The following SLC22A24 variants were observed in gnomAD, a reference collection of about 807,000 sequenced individuals.
SLC22A24 encodes solute carrier family 22 member 24.
A neutral mutation model predicts 49.8 loss-of-function variants in SLC22A24; 53 were observed. That is an observed-to-expected ratio of 1.06 (90% confidence interval 0.85 to 1.34). The LOEUF is 1.34. SLC22A24 is among the 40% of genes most tolerant of loss of function. The pLI is 0.00. For synonymous variants in SLC22A24, 302 were observed against 256.4 expected (o/e 1.18, Z -1.70); for missense variants, 786 against 675.9 (o/e 1.16, Z -1.81).
At chr11:63,134,641 C>T (rs1590750853) in intron 2 of SLC22A24, 24 bp downstream of exon 2, 2 of 1,351,034 alleles carry the variant, frequency 1.5e-6, no homozygotes, top group African/African-American at 1.4e-5. Flanking sequence ...TAAACAGCCC[C>T]AAAGAAAGTG....
At chr11:63,121,224 T>C (rs1004899766) in intron 2 of SLC22A24, among the ~76,000 whole-genome samples, 1 of 152,140 alleles carries the variant, frequency 6.6e-6, no homozygotes, top group African/African-American at 2.4e-5. Context: ...ATGGGAAACT[T>C]TGTGGAAGGG....
chr11:63,082,514 T>G (rs1168169303), intron 7 of SLC22A24, among the ~76,000 whole-genome samples: 1 of 152,232 alleles, frequency 6.6e-6, no homozygotes, highest in Non-Finnish European at 1.5e-5. Flanking sequence ...TGACCACTAA[T>G]GTTCCCATAA....
chr11:63,111,907 G>C (rs1416295246), intron 4 of SLC22A24, among the ~76,000 whole-genome samples: 1 of 151,636 alleles, frequency 6.6e-6, no homozygotes, highest in East Asian at 1.9e-4. Flanking sequence ...GAATGTGTTT[G>C]CTCTTGCTTT....
In SLC22A24 at chr11:63,082,310, C is replaced by T. The variant is rs890782579; in HGVS notation, c.1286-644G>A. Among the ~76,000 whole-genome samples, 3 of 152,180 alleles carry T rather than the reference C, an allele frequency of 2.0e-5. No individual in the cohort carries two copies. In the East Asian group the frequency reaches 5.8e-4, roughly 29 times the overall value. On this transcript the variant is annotated intron_variant, in intron 7 of 9. Coordinates refer to ENST00000612278, the MANE Select transcript of SLC22A24 (RefSeq NM_001136506.2). ...ACTCCTATTTGGAAATAAATAATAT[C>T]ACACTGGGAACCATTGACACTGAAA...
At chr11:63,142,674 A>T (rs1489231556) in intron 1 of SLC22A24, among the ~76,000 whole-genome samples, 1 of 152,124 alleles carries the variant, frequency 6.6e-6, no homozygotes, top group Middle Eastern at 3.2e-3. Context: ...CAGATCCCGC[A>T]CTTGATGGAT....
Position 63,083,283 on chromosome 11 carries a change from C to A in SLC22A24, c.1245G>T (p.Pro415=). ...RRISQILFTF[P]VGLFILVNTF... ...TGTTGACCAGAATGAAAAGTCCCACCGGGAACGTGAACAATATCTGGCTTA... is the reference window on the plus strand; with the variant it reads ...TGTTGACCAGAATGAAAAGTCCCACAGGGAACGTGAACAATATCTGGCTTA... The change falls in exon 7 of 10, where the codon CCG becomes CCT. Residue 415 remains proline, a synonymous_variant. Coordinates refer to ENST00000612278, the MANE Select transcript of SLC22A24 (RefSeq NM_001136506.2). 3 of 1,561,218 alleles carry A rather than the reference C, an allele frequency of 1.9e-6. No homozygotes were observed. The highest frequency in any genetic ancestry group is 2.6e-6 in the Non-Finnish European group (3 of 1,151,636).
intron 1 of SLC22A24, among the ~76,000 whole-genome samples, chr11:63,140,370 A>G (rs564381411): frequency 6.6e-6 from 1 of 152,074 alleles, no homozygotes; most frequent in Non-Finnish European, 1.5e-5. Context: ...GTGAGCCACC[A>G]CATCTGGGCA....
chr11:63,125,048 A>G (rs2087279333), intron 2 of SLC22A24, among the ~76,000 whole-genome samples: 1 of 152,064 alleles, frequency 6.6e-6, no homozygotes, highest in South Asian at 2.1e-4. Context: ...GCACATGTAT[A>G]CATATGTAAC....
At chr11:63,113,330 T>C (rs954520088) in intron 4 of SLC22A24, among the ~76,000 whole-genome samples, 1 of 151,508 alleles carries the variant, frequency 6.6e-6, no homozygotes, top group South Asian at 2.1e-4. Flanking sequence ...TGTTAATTGA[T>C]GCAGTTTCTT....
intron 4 of SLC22A24, among the ~76,000 whole-genome samples, chr11:63,106,160 C>T (rs1357428953): frequency 6.7e-6 from 1 of 149,912 alleles, no homozygotes; most frequent in African/African-American, 2.5e-5. Context: ...CAATTCCCAC[C>T]TATGAGTGAG....
At chr11:63,096,221 C>T (rs1590732235) in intron 5 of SLC22A24, 115 bp from the exon 6 acceptor site, 1 of 664,788 alleles carries the variant, frequency 1.5e-6, no homozygotes, top group East Asian at 2.8e-5. Flanking sequence ...AAGGAAATTT[C>T]TGTCTAGTGG....
chr11:63,096,708 G>A (rs566997021), intron 5 of SLC22A24, among the ~76,000 whole-genome samples: 1 of 152,310 alleles, frequency 6.6e-6, no homozygotes, highest in Non-Finnish European at 1.5e-5. Context: ...GTGCACAGAA[G>A]TGAAGGCAAG....
chr11:63,105,127 A>G (rs1256865802), intron 4 of SLC22A24, among the ~76,000 whole-genome samples: 2 of 152,206 alleles, frequency 1.3e-5, no homozygotes, highest in African/African-American at 2.4e-5. Flanking sequence ...GGTCATGCCG[A>G]TGCAAGGGGT....
At chr11:63,124,782 G>A (rs1273390655) in intron 2 of SLC22A24, among the ~76,000 whole-genome samples, 1 of 152,106 alleles carries the variant, frequency 6.6e-6, no homozygotes, top group East Asian at 1.9e-4. Context: ...CATAAAAAAT[G>A]ATGAGTTCAT....
chr11:63,140,087 T>C (rs146724868), intron 1 of SLC22A24, among the ~76,000 whole-genome samples: 15 of 61,344 alleles, frequency 2.4e-4, no homozygotes, highest in Non-Finnish European at 4.9e-4. Context: ...TTTTTTTTTT[T>C]GTTTTTTTTT....
At chr11:63,096,141 G>T in intron 5 of SLC22A24, 35 bp from the exon 6 acceptor site, 1 of 1,349,226 alleles carries the variant, frequency 7.4e-7, no homozygotes, top group Non-Finnish European at 1.0e-6. Context: ...GCATTTGTGA[G>T]ATGTCAATAA....
intron 2 of SLC22A24, among the ~76,000 whole-genome samples, chr11:63,128,145 A>G (rs1440328889): frequency 2.0e-5 from 3 of 151,996 alleles, no homozygotes; most frequent in African/African-American, 7.2e-5. Flanking sequence ...CTTTATTCCA[A>G]TATTATAATA....
chr11:63,088,666 G>C (rs951210640), intron 6 of SLC22A24, among the ~76,000 whole-genome samples: 2 of 152,088 alleles, frequency 1.3e-5, no homozygotes, highest in Non-Finnish European at 2.9e-5. Flanking sequence ...AGGCAAGGAA[G>C]ATAAGAACCT....
chr11:63,083,324 G>A lies in SLC22A24; in HGVS notation c.1204C>T (p.His402Tyr). The A allele has an allele frequency of 6.4e-7, 1 of 1,559,678 alleles. No individual in the cohort carries two copies. Among genetic ancestry groups the A allele is most frequent in the East Asian group, 2.4e-5 (1 of 41,946 alleles). ...ATCTGGCTTATTCGACGACCCATAT[G>A]ATTCAGTGTCAAAAGGGAAACACAT... ...ARCVSLLTLN[H>Y]MGRRISQILF... The change falls in exon 7 of 10, where the codon CAT becomes TAT. Residue 402 changes from histidine (H) to tyrosine (Y), a missense_variant. Physicochemically the swap from His to Tyr is moderately conservative, Grantham distance 83. Coordinates refer to ENST00000612278, the MANE Select transcript of SLC22A24 (RefSeq NM_001136506.2).
Sources: allele counts gnomAD v4.1 joint callset (sites outside exome capture counted in the v4.1 genomes callset), GRCh38; gene constraint gnomAD v4.1.1; transcripts MANE v1.5; gene names NCBI Gene and HGNC (gene_info 2026-07-23, HGNC 2026-07-21).